The following TRHDE variants were observed in gnomAD, a reference collection of about 807,000 sequenced individuals.
TRHDE encodes the protein thyrotropin releasing hormone degrading enzyme.
Under a neutral mutation model 125.7 loss-of-function variants are expected in TRHDE, and 72 were observed. The observed-to-expected ratio is 0.57, with a 90% CI of 0.47 to 0.70. TRHDE has a LOEUF of 0.70. TRHDE is among the 30% of genes least tolerant of loss of function. The probability of loss-of-function intolerance (pLI) is 0.00; values close to 1 mark genes in which losing one functional copy is unlikely to be tolerated. For synonymous variants in TRHDE, 509 were observed against 509.1 expected, an observed-to-expected ratio of 1.00 and a Z score of 0.00; for missense variants, 1,110 against 1,327.1, an observed-to-expected ratio of 0.84 and a Z score of 2.54.
rs780645248 is a variant in TRHDE, at chr12:72,460,332, A to T, written c.1316-9426A>T. ...AATGTGCTGGGGCAGAATTGAGTTC[A>T]TGTTCTTAATCCCTGCTCTATGCTG... On this transcript the variant is annotated intron_variant, in intron 3 of 18. Transcript: ENST00000261180. 9.3e-4 allele frequency among the ~76,000 whole-genome samples: 142 copies of T among 152,296 alleles called. 1 individual carries two copies. Among genetic ancestry groups the T allele is most frequent in the Admixed American group, 3.7e-3 (56 of 15,294 alleles).
At chr12:72,351,941 G>A (rs1436532417) in intron 2 of TRHDE, among the ~76,000 whole-genome samples, 1 of 151,758 alleles carries the variant, frequency 6.6e-6, no homozygotes, top group African/African-American at 2.4e-5. Context: ...TTGCTTACCA[G>A]CTTAACTCAT....
intron 2 of TRHDE, among the ~76,000 whole-genome samples, chr12:72,354,782 T>C (rs993460040): frequency 1.1e-4 from 17 of 150,980 alleles, no homozygotes; most frequent in African/African-American, 3.6e-4. Context: ...TCTCTGTGTG[T>C]GTGTATGTGT....
intron 2 of TRHDE, among the ~76,000 whole-genome samples, chr12:72,325,510 C>G (rs572995699): frequency 2.0e-5 from 3 of 152,052 alleles, no homozygotes; most frequent in Non-Finnish European, 2.9e-5. Context: ...ATAAAGAAAC[C>G]ATGCAAATAT....
intron 1 of TRHDE, among the ~76,000 whole-genome samples, chr12:72,099,929 A>G (rs1171321899): frequency 6.6e-6 from 1 of 152,236 alleles, no homozygotes; most frequent in Non-Finnish European, 1.5e-5. Flanking sequence ...ACAATGTTTC[A>G]GAAATCCCAG....
chr12:72,322,738 G>T (rs1057286667), intron 2 of TRHDE, among the ~76,000 whole-genome samples: 3 of 152,108 alleles, frequency 2.0e-5, no homozygotes, highest in African/African-American at 7.2e-5. Context: ...GTACAGATTT[G>T]CAGATACCAC....
intron 2 of TRHDE, among the ~76,000 whole-genome samples, chr12:72,373,891 G>A (rs1441724572): frequency 2.0e-5 from 3 of 152,256 alleles, no homozygotes; most frequent in Middle Eastern, 3.4e-3. Context: ...TGGGGCCCTT[G>A]TAAAAACCTT....
intron 2 of TRHDE, among the ~76,000 whole-genome samples, chr12:72,293,504 T>C (rs1246506395): frequency 2.6e-5 from 4 of 152,258 alleles, no homozygotes; most frequent in East Asian, 1.9e-4. Flanking sequence ...TTTACTCTCT[T>C]ACTGGGGACA....
intron 3 of TRHDE, among the ~76,000 whole-genome samples, chr12:72,391,399 T>C (rs904938952): frequency 6.6e-6 from 1 of 152,206 alleles, no homozygotes; most frequent in Admixed American, 6.5e-5. Flanking sequence ...TGAAGCTTTT[T>C]AAAGGGTGAT....
intron 2 of TRHDE, among the ~76,000 whole-genome samples, chr12:72,250,848 A>G (rs1265362894): frequency 6.9e-6 from 1 of 144,064 alleles, no homozygotes; most frequent in African/African-American, 2.5e-5. Context: ...ATATATATAT[A>G]TATATATATA....
rs182819040 is a variant in TRHDE at position 72,325,866 on chromosome 12, C to T, written c.1188+38912C>T. Among the ~76,000 whole-genome samples, 352 of 152,082 alleles carry T rather than the reference C, an allele frequency of 2.3e-3. 1 individual carries two copies. The highest frequency in any genetic ancestry group is 8.0e-3 in the African/African-American group (331 of 41,504). Reference sequence around the variant, plus strand: ...GTAACATGTGCAACTCACTATGCTTCGACACAAAATATGATTTTTGTTTTA... The same window carrying T: ...GTAACATGTGCAACTCACTATGCTTTGACACAAAATATGATTTTTGTTTTA... On this transcript the variant is annotated intron_variant, in intron 2 of 18. Transcript: ENST00000261180.
At chr12:72,330,663 GT>G (rs1230497359) in intron 2 of TRHDE, among the ~76,000 whole-genome samples, 1 of 152,240 alleles carries the variant, frequency 6.6e-6, no homozygotes, top group East Asian at 1.9e-4. Flanking sequence ...TAACTGGGTA[GT>G]TTCATACACA....
chr12:72,160,289 A>G (rs1248251363), intron 2 of TRHDE, among the ~76,000 whole-genome samples: 1 of 152,186 alleles, frequency 6.6e-6, no homozygotes, highest in Non-Finnish European at 1.5e-5. Flanking sequence ...AAACAGCAGC[A>G]TAAGCATCTT....
At chr12:72,363,389 G>C (rs376904789) in intron 2 of TRHDE, among the ~76,000 whole-genome samples, 10 of 151,698 alleles carry the variant, frequency 6.6e-5, no homozygotes, top group Non-Finnish European at 1.3e-4. Context: ...CTGGCAAACC[G>C]AATCCAGCAG....
At chr12:72,638,295 A>T (rs1873859738) in intron 15 of TRHDE, among the ~76,000 whole-genome samples, 1 of 151,184 alleles carries the variant, frequency 6.6e-6, no homozygotes, top group Admixed American at 6.6e-5. Context: ...TGTTGGTTGA[A>T]AGTCTGTTTT....
At chr12:72,514,780 C>A in intron 6 of TRHDE, among the ~76,000 whole-genome samples, 1 of 104,828 alleles carries the variant, frequency 9.5e-6, no homozygotes, top group Non-Finnish European at 1.9e-5. Context: ...AATGCTATCC[C>A]TCCCCCCTCC....
intron 12 of TRHDE, among the ~76,000 whole-genome samples, chr12:72,587,752 A>C (rs1016832091): frequency 6.6e-6 from 1 of 152,198 alleles, no homozygotes; most frequent in Non-Finnish European, 1.5e-5. Context: ...AATAGCTATC[A>C]CATGTAACAT....
chr12:72,647,357 A>C (rs1379662995), intron 15 of TRHDE, among the ~76,000 whole-genome samples: 1 of 152,036 alleles, frequency 6.6e-6, no homozygotes, highest in Non-Finnish European at 1.5e-5. Context: ...ATTGTGATAA[A>C]TACCTATATT....
chr12:72,466,603 C>G (rs1459117126), intron 3 of TRHDE, among the ~76,000 whole-genome samples: 1 of 152,100 alleles, frequency 6.6e-6, no homozygotes, highest in Non-Finnish European at 1.5e-5. Flanking sequence ...CAATTCATAC[C>G]AGTTCTCTGA....
intron 2 of TRHDE, among the ~76,000 whole-genome samples, chr12:72,352,616 T>C (rs1870632617): frequency 1.3e-5 from 2 of 151,846 alleles, no homozygotes; most frequent in African/African-American, 4.8e-5. Context: ...TGTGTGCCAC[T>C]GTTATCAATT....
Sources: gnomAD v4.1 joint callset for allele counts (sites outside exome capture counted in the v4.1 genomes callset) on GRCh38, gnomAD v4.1.1 for gene constraint, MANE v1.5 for transcripts, NCBI Gene and HGNC (gene_info 2026-07-23, HGNC 2026-07-21) for gene names.